The following SLC39A12 variants were observed in gnomAD, a reference collection of about 807,000 sequenced individuals.
SLC39A12 encodes zinc transporter ZIP12.
Under a neutral mutation model 71.1 loss-of-function variants are expected in SLC39A12, and 63 were observed. The ratio of observed to expected loss-of-function variants is 0.89; its 90% CI spans 0.72 to 1.09. The LOEUF is 1.09. SLC39A12 is among the 50% of genes least tolerant of loss of function. SLC39A12 has a pLI of 0.00. For synonymous variants in SLC39A12, 351 were observed against 301.3 expected, an observed-to-expected ratio of 1.16 and a Z score of -1.71; for missense variants, 892 against 812.6, an observed-to-expected ratio of 1.10 and a Z score of -1.19.
chr10:18,000,046 A>G (rs1460470344), intron 10 of SLC39A12, among the ~76,000 whole-genome samples: 1 of 152,218 alleles, frequency 6.6e-6, no homozygotes, highest in African/African-American at 2.4e-5. Context: ...GCTTATCAAC[A>G]AAAAGTTCTT....
chr10:17,980,035 G>A (rs938190110), intron 5 of SLC39A12, among the ~76,000 whole-genome samples: 3 of 152,118 alleles, frequency 2.0e-5, no homozygotes, highest in South Asian at 4.1e-4. Context: ...AGGAGGGCAC[G>A]GGTGGGAAGA....
chr10:18,014,891 A>G (rs1053599111), intron 12 of SLC39A12, among the ~76,000 whole-genome samples: 1 of 152,194 alleles, frequency 6.6e-6, no homozygotes, highest in African/African-American at 2.4e-5. Context: ...CTGTGAAGGG[A>G]CAACCTATGT....
Position 17,983,059 on chromosome 10 carries a change from G to T in SLC39A12, c.1096+1576G>T, listed in dbSNP as rs1004836721. Among the ~76,000 whole-genome samples the T allele has an allele frequency of 1.2e-4, 18 of 150,222 alleles. No individual in the cohort carries two copies. In the Admixed American group the frequency reaches 1.2e-3, roughly 10 times the overall value. ...AAAAATTAAAAAAAAAAATAGCCGG[G>T]CATGCTGGTGGGCGGCTGTAGTCCC... On this transcript the variant is annotated intron_variant, in intron 6 of 12. Coordinates refer to ENST00000377369, the MANE Select transcript of SLC39A12 (RefSeq NM_001145195.2).
At chr10:18,035,686 G>T (rs1040406796) in intron 12 of SLC39A12, among the ~76,000 whole-genome samples, 1 of 152,194 alleles carries the variant, frequency 6.6e-6, no homozygotes, top group African/African-American at 2.4e-5. Flanking sequence ...TTCCGTTGCT[G>T]GTGAGGAACT....
intron 5 of SLC39A12, 100 bp downstream of exon 5, chr10:17,978,174 G>A: frequency 1.1e-6 from 1 of 946,446 alleles, no homozygotes; most frequent in Non-Finnish European, 1.5e-6. Context: ...AGAGTATTGT[G>A]TATTATCTTG....
chr10:18,010,138 T>G (rs940756383), intron 12 of SLC39A12, among the ~76,000 whole-genome samples: 2 of 152,176 alleles, frequency 1.3e-5, no homozygotes, highest in African/African-American at 4.8e-5. Flanking sequence ...GAGTCTTTCT[T>G]TATCAGAGAA....
At chr10:18,039,538 G>T (rs1036254395) in intron 12 of SLC39A12, among the ~76,000 whole-genome samples, 1 of 152,136 alleles carries the variant, frequency 6.6e-6, no homozygotes, top group East Asian at 1.9e-4. Context: ...GATCAGCCTA[G>T]GCAACATAGC....
chr10:17,974,662 G>T (rs1323267053), intron 4 of SLC39A12, among the ~76,000 whole-genome samples: 1 of 152,192 alleles, frequency 6.6e-6, no homozygotes. Flanking sequence ...AACTGACAGT[G>T]TACTGACACA....
At chr10:17,958,955 T>A (rs1036669012) in intron 2 of SLC39A12, among the ~76,000 whole-genome samples, 1 of 152,180 alleles carries the variant, frequency 6.6e-6, no homozygotes, top group Admixed American at 6.5e-5. Flanking sequence ...TTTATGCATT[T>A]TTCAAAACCA....
chr10:18,017,226 T>C (rs954014316), intron 12 of SLC39A12, among the ~76,000 whole-genome samples: 36 of 152,338 alleles, frequency 2.4e-4, no homozygotes, highest in South Asian at 8.3e-4. Flanking sequence ...ATACCTAAGG[T>C]CACCTAGATT....
At position 17,979,627 on chromosome 10, in the gene SLC39A12, A is replaced by G. The variant is rs147247654; in HGVS notation, c.924+1553A>G. Among the ~76,000 whole-genome samples, 171 of 150,456 alleles carry G rather than the reference A, an allele frequency of 1.1e-3. 1 individual carries two copies. The East Asian group carries it at 0.027, about 24-fold the overall frequency. On this transcript the variant is annotated intron_variant, in intron 5 of 12. Transcript: ENST00000377369. The stretch of plus-strand genomic sequence containing the variant: ...TGGCATACATTATTTTGATAAAGGG[A>G]AAAAAAAACACAAGTTTAGCTTTCT...
At position 18,042,215 on chromosome 10, in the gene SLC39A12, G is replaced by T. The variant is rs559979796; in HGVS notation, c.1948-490G>T. Among the ~76,000 whole-genome samples, 11 of 152,134 alleles carry T rather than the reference G, an allele frequency of 7.2e-5. No homozygotes were observed. The South Asian group carries it at 1.2e-3, about 17-fold the overall frequency. The stretch of plus-strand genomic sequence containing the variant: ...CCAAAGGCCAGGTGCAGTGGCTCAC[G>T]CCTATAAGCCCCAGCACTTTGGGAG... On this transcript the variant is annotated intron_variant, in intron 12 of 12. Transcript: ENST00000377369.
chr10:18,013,346 T>TTATTA (rs3064543), intron 12 of SLC39A12, among the ~76,000 whole-genome samples: 6 of 139,846 alleles, frequency 4.3e-5, no homozygotes, highest in Non-Finnish European at 9.1e-5. Flanking sequence ...TCCAACTTTA[T>TTATTA]TTATTATTAT....
At chr10:17,961,965 G>A in intron 3 of SLC39A12, 103 bp downstream of exon 3, 1 of 1,209,776 alleles carries the variant, frequency 8.3e-7, no homozygotes, top group Non-Finnish European at 1.1e-6. Flanking sequence ...GACTTCTAAG[G>A]GAGGTAAGTA....
intron 5 of SLC39A12, among the ~76,000 whole-genome samples, chr10:17,978,503 G>T (rs1835172693): frequency 6.6e-6 from 1 of 152,144 alleles, no homozygotes; most frequent in Non-Finnish European, 1.5e-5. Context: ...GACTCTTTCA[G>T]ACTCATGTTT....
At position 18,036,783 on chromosome 10, in the gene SLC39A12, TA is replaced by T. The variant is rs1218010756; in HGVS notation, c.1948-5921del. Among the ~76,000 whole-genome samples, 117 of 12,054 alleles carry T rather than the reference TA, an allele frequency of 9.7e-3. 4 individuals carry two copies. Among genetic ancestry groups the T allele is most frequent in the African/African-American group, 0.026 (91 of 3,488 alleles). 7.9% of individuals were successfully genotyped at this position (12,054 alleles called of 152,430 possible). ...ATATATATATATATATATATATATA[TA>T]TATATATATATTTTTTTTTTTAATG... On this transcript the variant is annotated intron_variant, in intron 12 of 12. Coordinates refer to ENST00000377369, the MANE Select transcript of SLC39A12 (RefSeq NM_001145195.2).
At chr10:18,034,658 A>G (rs1330794346) in intron 12 of SLC39A12, among the ~76,000 whole-genome samples, 4 of 150,860 alleles carry the variant, frequency 2.7e-5, no homozygotes, top group Non-Finnish European at 1.5e-5. Context: ...TTTAAAGTTA[A>G]TATTGTTATG....
At position 18,003,184 on chromosome 10, in the gene SLC39A12, G is replaced by C. The variant is rs369551351; in HGVS notation, c.1773G>C (p.Val591=). 1.9e-6 allele frequency: 3 copies of C among 1,612,598 alleles called. No homozygotes were observed. The highest frequency in any genetic ancestry group is 2.5e-6 in the Non-Finnish European group (3 of 1,179,652). ...CTTAAACTTCAGGAGACTTTGCCGTGCTCTTAAGCTCTGGACTTTCTATGA... is the reference window on the plus strand; with the variant it reads ...CTTAAACTTCAGGAGACTTTGCCGTCCTCTTAAGCTCTGGACTTTCTATGA... ...EIPHEMGDFA[V]LLSSGLSMKT... is the part of the protein sequence containing the mutation. The change falls in exon 12 of 13, where the codon GTG becomes GTC. Residue 591 remains valine, a synonymous_variant. Coordinates refer to ENST00000377369, the MANE Select transcript of SLC39A12 (RefSeq NM_001145195.2).
At chr10:18,015,847 G>C (rs1836364648) in intron 12 of SLC39A12, among the ~76,000 whole-genome samples, 1 of 151,628 alleles carries the variant, frequency 6.6e-6, no homozygotes, top group Non-Finnish European at 1.5e-5. Context: ...CCTTGAATGA[G>C]GCTAGCATGA....
Sources: allele counts gnomAD v4.1 joint callset (sites outside exome capture counted in the v4.1 genomes callset), GRCh38; gene constraint gnomAD v4.1.1; transcripts MANE v1.5; gene names NCBI Gene and HGNC (gene_info 2026-07-23, HGNC 2026-07-21).